The following GABRB1 variants were observed in gnomAD, a reference collection of about 807,000 sequenced individuals.
GABRB1 encodes the protein gamma-aminobutyric acid type A receptor subunit beta1.
Under a neutral mutation model 51.6 loss-of-function variants are expected in GABRB1, and 17 were observed. The ratio of observed to expected loss-of-function variants is 0.33; its 90% CI spans 0.23 to 0.49. The LOEUF is 0.49. Ranked by LOEUF, GABRB1 falls within the 20% of genes least tolerant of loss-of-function variation. GABRB1 has a pLI of 0.99. For missense variants in GABRB1, 410 were observed against 600.6 expected, an observed-to-expected ratio of 0.68 and a Z score of 3.32; for synonymous variants, 247 against 218.9, an observed-to-expected ratio of 1.13 and a Z score of -1.14.
intron 5 of GABRB1, among the ~76,000 whole-genome samples, chr4:47,345,696 C>G (rs1306562416): frequency 1.3e-5 from 2 of 152,180 alleles, no homozygotes; most frequent in African/African-American, 4.8e-5. Flanking sequence ...GCTCTAAAAT[C>G]TGAAACTTTT....
chr4:47,037,118 A>G (rs1424607439), intron 3 of GABRB1, among the ~76,000 whole-genome samples: 1 of 152,174 alleles, frequency 6.6e-6, no homozygotes, highest in African/African-American at 2.4e-5. Context: ...ACCAATCTCA[A>G]ATGATGGCAA....
intron 4 of GABRB1, among the ~76,000 whole-genome samples, chr4:47,253,438 A>G (rs947056885): frequency 6.6e-6 from 1 of 152,240 alleles, no homozygotes; most frequent in African/African-American, 2.4e-5. Context: ...TATTAAAAAT[A>G]TCACTGCAGA....
chr4:47,280,913 C>T lies in GABRB1; in HGVS notation c.462-39214C>T, dbSNP rs561338336. On this transcript the variant is annotated intron_variant, in intron 4 of 8. Transcript: ENST00000295454. ...AAGAAATTCTTCTGCCTTAGCCTCC[C>T]GAAGTGCTGGATTACAGGCATGAGC... Among the ~76,000 whole-genome samples, 22 of 151,666 alleles carry T rather than the reference C, an allele frequency of 1.5e-4. No homozygotes were observed. The South Asian group carries it at 3.1e-3, about 22-fold the overall frequency.
chr4:47,342,028 G>A (rs946178686), intron 5 of GABRB1, among the ~76,000 whole-genome samples: 1 of 152,150 alleles, frequency 6.6e-6, no homozygotes, highest in African/African-American at 2.4e-5. Context: ...ATAGCATTGA[G>A]GTCAAACTCA....
intron 4 of GABRB1, among the ~76,000 whole-genome samples, chr4:47,193,929 CT>C (rs1337399227): frequency 1.7e-4 from 26 of 152,110 alleles, no homozygotes; most frequent in Admixed American, 1.4e-3. Flanking sequence ...GCAGCAGCTT[CT>C]TTTTACCTCT....
At position 47,032,451 on chromosome 4, in the gene GABRB1, C is replaced by T; in HGVS notation, c.207C>T (p.Val69=). The T allele has an allele frequency of 6.2e-7, 1 of 1,606,806 alleles. No individual in the cohort carries two copies. The change falls in exon 3 of 9, where the codon GTC becomes GTT. Residue 69 remains valine (V), a synonymous_variant. Coordinates refer to ENST00000295454, the MANE Select transcript of GABRB1 (RefSeq NM_000812.4). ...PPVDVGMRID[V]ASIDMVSEVN... ...TCGACGTTGGGATGCGGATCGATGT[C>T]GCCAGCATAGACATGGTCTCCGAAG...
rs533710545 is a variant in GABRB1, at chr4:47,245,889, A to G, written c.462-74238A>G. 2.8e-5 allele frequency among the ~76,000 whole-genome samples: 4 copies of G among 142,896 alleles called. No homozygotes were observed. The South Asian group carries it at 6.6e-4, about 24-fold the overall frequency. 93.7% of individuals were successfully genotyped at this position (142,896 alleles called of 152,430 possible). A position where few individuals can be genotyped will look rare whatever the true frequency, so the allele number is the denominator to read the frequency against. On this transcript the variant is annotated intron_variant, in intron 4 of 8. Coordinates refer to ENST00000295454, the MANE Select transcript of GABRB1 (RefSeq NM_000812.4). ...ATTGTAGAGGTCTACCTGGGAAACT[A>G]TTTTTTCCCTTTTCTGTCTTTTTTT...
intron 4 of GABRB1, among the ~76,000 whole-genome samples, chr4:47,165,242 A>G (rs188165181): frequency 6.6e-6 from 1 of 151,918 alleles, no homozygotes. Context: ...TCTAAGGCTA[A>G]TCTCTCCATG....
intron 4 of GABRB1, among the ~76,000 whole-genome samples, chr4:47,276,257 T>A (rs1578055939): frequency 6.6e-6 from 1 of 152,132 alleles, no homozygotes; most frequent in East Asian, 1.9e-4. Flanking sequence ...TGTTAAGGAA[T>A]AAAGAGCTCA....
intron 1 of GABRB1, among the ~76,000 whole-genome samples, chr4:46,995,794 T>C (rs1309022648): frequency 1.3e-5 from 2 of 152,224 alleles, no homozygotes; most frequent in African/African-American, 4.8e-5. Context: ...GGGGAAACAG[T>C]TACATATCGT....
chr4:47,323,594 G>A (rs1423263962), intron 5 of GABRB1, among the ~76,000 whole-genome samples: 1 of 152,138 alleles, frequency 6.6e-6, no homozygotes. Context: ...GTGTCAGTCG[G>A]GAAATAAGAA....
At chr4:47,243,290 G>C (rs943147200) in intron 4 of GABRB1, among the ~76,000 whole-genome samples, 5 of 152,054 alleles carry the variant, frequency 3.3e-5, no homozygotes, top group Admixed American at 6.6e-5. Context: ...GTTACTGTAG[G>C]CTTGTAGTAT....
chr4:47,385,867 A>G (rs1327006759), intron 5 of GABRB1, among the ~76,000 whole-genome samples: 1 of 152,170 alleles, frequency 6.6e-6, no homozygotes, highest in East Asian at 1.9e-4. Flanking sequence ...AGAACTCAGG[A>G]AAACAGTCTA....
intron 4 of GABRB1, among the ~76,000 whole-genome samples, chr4:47,255,797 T>G (rs930178147): frequency 6.6e-6 from 1 of 152,150 alleles, no homozygotes; most frequent in East Asian, 1.9e-4. Context: ...CATAGTTGAT[T>G]TGGGTGCTTC....
chr4:47,395,442 C>T (rs1431921372), intron 5 of GABRB1, among the ~76,000 whole-genome samples: 2 of 152,174 alleles, frequency 1.3e-5, no homozygotes, highest in Non-Finnish European at 2.9e-5. Context: ...AATCCACACC[C>T]ATAATCCAAT....
rs1443237080 is a variant in GABRB1 at position 47,426,393 on chromosome 4, C to G, written c.*375C>G. ...AAGAGGACCTTGCTGTCCGCCTGCA[C>G]TGCTTCCTGGTAAACTATAACAAAC... On this transcript the variant is annotated 3_prime_UTR_variant, in exon 9 of 9. Coordinates refer to ENST00000295454, the MANE Select transcript of GABRB1 (RefSeq NM_000812.4). 1 of 144,622 alleles carries G rather than the reference C, an allele frequency of 6.9e-6. No individual in the cohort carries two copies. Among genetic ancestry groups the G allele is most frequent in the Non-Finnish European group, 1.4e-5 (1 of 69,612 alleles). The allele number at this position is 144,622 out of a possible 1,614,324, so 9.0% of individuals were successfully genotyped here. A position where few individuals can be genotyped will look rare whatever the true frequency, so the allele number is the denominator to read the frequency against.
At chr4:47,229,476 C>T (rs1366392032) in intron 4 of GABRB1, among the ~76,000 whole-genome samples, 1 of 152,036 alleles carries the variant, frequency 6.6e-6, no homozygotes, top group Non-Finnish European at 1.5e-5. Context: ...TGTATCCAAA[C>T]AAAAATTGAA....
At chr4:47,176,582 TGAGGTCTAAGAGG>T (rs960044242) in intron 4 of GABRB1, among the ~76,000 whole-genome samples, 28 of 152,126 alleles carry the variant, frequency 1.8e-4, no homozygotes, top group African/African-American at 6.5e-4. Context: ...TGCAGAAGTT[TGAGGTCTAAGAGG>T]GAGACCTAGA....
At chr4:47,025,497 C>T (rs1725062935) in intron 1 of GABRB1, among the ~76,000 whole-genome samples, 1 of 151,808 alleles carries the variant, frequency 6.6e-6, no homozygotes, top group Non-Finnish European at 1.5e-5. Flanking sequence ...GTTTTATAAA[C>T]TTGAATTTTT....
Sources: gnomAD v4.1 joint callset for allele counts (sites outside exome capture counted in the v4.1 genomes callset) on GRCh38, gnomAD v4.1.1 for gene constraint, MANE v1.5 for transcripts, NCBI Gene and HGNC (gene_info 2026-07-23, HGNC 2026-07-21) for gene names.